VWA3B: variants seen among roughly 807,000 people sequenced by gnomAD.
The protein encoded by VWA3B is von Willebrand factor A domain-containing protein 3B.
Under a neutral mutation model 158.3 loss-of-function variants are expected in VWA3B, and 138 were observed. That is an observed-to-expected ratio of 0.87 (90% CI 0.76 to 1.00). The LOEUF (loss-of-function observed/expected upper bound fraction) is 1.00. VWA3B is among the 50% of genes least tolerant of loss of function. The probability of loss-of-function intolerance (pLI) is 0.00; values close to 1 mark genes in which losing one functional copy is unlikely to be tolerated. For missense variants in VWA3B, 1,555 were observed against 1,565.1 expected, an observed-to-expected ratio of 0.99 and a Z score of 0.11; for synonymous variants, 596 against 587.3, an observed-to-expected ratio of 1.01 and a Z score of -0.21.
chr2:98,319,876 TCACA>T, the VWA3B span, among the ~76,000 whole-genome samples: 9,714 of 147,164 alleles, frequency 0.066, 349 homozygotes, highest in Non-Finnish European at 0.086. Flanking sequence ...TGAGACTCCA[TCACA>T]CACACACACA....
At chr2:98,293,826 G>T (rs933935421) in intron 23 of VWA3B, among the ~76,000 whole-genome samples, 1 of 152,122 alleles carries the variant, frequency 6.6e-6, no homozygotes, top group Non-Finnish European at 1.5e-5. Context: ...TTTTGATTTT[G>T]TTAATTGTCC....
At chr2:98,163,497 C>T (rs1390832481) in intron 8 of VWA3B, among the ~76,000 whole-genome samples, 2 of 152,168 alleles carry the variant, frequency 1.3e-5, no homozygotes, top group African/African-American at 2.4e-5. Context: ...GAGATCGTGC[C>T]ACTGCACTCC....
rs1054910651 is a variant in VWA3B at position 98,270,698 on chromosome 2, C to T, written c.2860C>T (p.Pro954Ser). 1.9e-6 allele frequency: 3 copies of T among 1,613,880 alleles called. No homozygotes were observed. The highest frequency in any genetic ancestry group is 3.3e-5 in the Admixed American group (2 of 59,986). ...GTTTTTTAGGTTAGATGCAAACAAA[C>T]CAATACAGTACTTGGAAAACAAAAC... ...EEKEKLDANKPIQYLENKTVL... is the reference protein window; with the variant it reads ...EEKEKLDANKSIQYLENKTVL... Residue 954 changes from proline (P) to serine (S), a missense_variant, in exon 22 of 28, where the codon CCA (proline) becomes TCA (serine). By Grantham distance (74) the Pro-to-Ser change is moderately conservative. Transcript: ENST00000477737.
intron 2 of VWA3B, among the ~76,000 whole-genome samples, chr2:98,093,729 A>G (rs1682519287): frequency 2.0e-5 from 3 of 152,138 alleles, no homozygotes; most frequent in African/African-American, 7.2e-5. Flanking sequence ...ATACTGTACA[A>G]TAGATCTCTT....
intron 16 of VWA3B, among the ~76,000 whole-genome samples, 180 bp from the exon 17 acceptor site, chr2:98,234,468 A>G (rs1179587954): frequency 1.3e-5 from 2 of 152,198 alleles, no homozygotes; most frequent in East Asian, 3.8e-4. Flanking sequence ...GTCCAGCTGA[A>G]ATTCAGATAA....
chr2:98,163,051 G>A (rs1678762124), intron 8 of VWA3B, 75 bp downstream of exon 8: 29 of 1,582,104 alleles, frequency 1.8e-5, no homozygotes, highest in Non-Finnish European at 2.5e-5. Flanking sequence ...CTGCTTCCAT[G>A]TTCCTGACCA....
intron 22 of VWA3B, among the ~76,000 whole-genome samples, chr2:98,288,475 G>T (rs1689294652): frequency 6.6e-6 from 1 of 152,178 alleles, no homozygotes; most frequent in South Asian, 2.1e-4. Flanking sequence ...TTGCTGTGCT[G>T]CTTTGAGTGT....
At chr2:98,119,013 G>C (rs1345955569) in intron 3 of VWA3B, among the ~76,000 whole-genome samples, 1 of 152,226 alleles carries the variant, frequency 6.6e-6, no homozygotes, top group African/African-American at 2.4e-5. Flanking sequence ...TCACCCGAGA[G>C]AGGAGGGCAT....
the VWA3B span, among the ~76,000 whole-genome samples, chr2:98,324,917 A>AG: frequency 6.6e-6 from 1 of 152,076 alleles, no homozygotes; most frequent in Non-Finnish European, 1.5e-5. Flanking sequence ...GTTAAAAAAA[A>AG]AAAATCCACT....
downstream of VWA3B, among the ~76,000 whole-genome samples, chr2:98,315,432 T>C (rs76817865): frequency 7.2e-3 from 1,088 of 152,078 alleles, 10 homozygotes; most frequent in African/African-American, 0.025. Context: ...AGGGATGGAG[T>C]GATTGAAAAC....
chr2:98,103,834 A>G (rs372780979), intron 2 of VWA3B, among the ~76,000 whole-genome samples: 100 of 152,240 alleles, frequency 6.6e-4, no homozygotes, highest in African/African-American at 2.2e-3. Context: ...TTTTTTGTCT[A>G]CTGGATTTGT....
At position 98,298,068 on chromosome 2, in the gene VWA3B, A is replaced by C. The variant is rs374133527; in HGVS notation, c.3282+37A>C. Reference sequence around the variant, plus strand: ...CTGATGTGTTCTGGGGCCCCTTTTCACCATCCACAGAGTTTTGAATAACAG... The same window carrying C: ...CTGATGTGTTCTGGGGCCCCTTTTCCCCATCCACAGAGTTTTGAATAACAG... On this transcript the variant is annotated intron_variant, in intron 24 of 27. Transcript: ENST00000477737. The C allele has an allele frequency of 2.2e-5, 31 of 1,422,898 alleles. No homozygotes were observed. In the East Asian group the frequency reaches 2.7e-4, roughly 12 times the overall value. 88.1% of individuals were successfully genotyped at this position (1,422,898 alleles called of 1,614,324 possible). A position where few individuals can be genotyped will look rare whatever the true frequency, so the allele number is the denominator to read the frequency against.
intron 9 of VWA3B, among the ~76,000 whole-genome samples, chr2:98,183,189 CTTTT>C (rs1244544813): frequency 2.4e-3 from 293 of 124,590 alleles, no homozygotes; most frequent in African/African-American, 8.7e-3. Flanking sequence ...GTACAGCTCC[CTTTT>C]TTTTTTTTTT....
At chr2:98,121,555 G>A in intron 5 of VWA3B, 97 bp downstream of exon 5, 2 of 1,490,520 alleles carry the variant, frequency 1.3e-6, no homozygotes, top group East Asian at 2.3e-5. Flanking sequence ...AACTGATCTT[G>A]GGCCCCTCCC....
chr2:98,255,180 ATATTTTTTTTTT>A lies in VWA3B; in HGVS notation c.2793-942_2793-931del, dbSNP rs1477190187. Among the ~76,000 whole-genome samples the A allele has an allele frequency of 4.2e-4, 28 of 65,934 alleles. 1 individual carries two copies. Among genetic ancestry groups the A allele is most frequent in the African/African-American group, 7.9e-4 (12 of 15,282 alleles). 43.3% of individuals were successfully genotyped at this position (65,934 alleles called of 152,430 possible). ...AGTCGCCCGCCACCACGCCCGGCTG[ATATTTTTTTTTT>A]TTTTTTTTTTTTTTTTTTTAGTACA... is the stretch of plus-strand genomic sequence containing the variant. On this transcript the variant is annotated intron_variant, in intron 20 of 27. Coordinates refer to ENST00000477737, the MANE Select transcript of VWA3B (RefSeq NM_144992.5).
chr2:98,230,732 T>G (rs1355852120), intron 16 of VWA3B, among the ~76,000 whole-genome samples: 1 of 152,004 alleles, frequency 6.6e-6, no homozygotes, highest in African/African-American at 2.4e-5. Context: ...TATTTCCCCC[T>G]AAAATTGGGG....
At chr2:98,280,138 G>A (rs1471036584) in intron 22 of VWA3B, among the ~76,000 whole-genome samples, 2 of 152,134 alleles carry the variant, frequency 1.3e-5, no homozygotes, top group Non-Finnish European at 2.9e-5. Flanking sequence ...CCAAGCTTTG[G>A]TGATTTCCAG....
chr2:98,300,032 C>A (rs1690075248), intron 24 of VWA3B, 47 bp from the exon 25 acceptor site: 1 of 1,612,328 alleles, frequency 6.2e-7, no homozygotes, highest in Non-Finnish European at 8.5e-7. Context: ...TTAACATTGT[C>A]TGTACAATCC....
intron 22 of VWA3B, among the ~76,000 whole-genome samples, chr2:98,290,113 T>C (rs1296670270): frequency 6.6e-6 from 1 of 152,002 alleles, no homozygotes; most frequent in Non-Finnish European, 1.5e-5. Flanking sequence ...ATGAAGAAAA[T>C]AGGTTTAATT....
Sources: allele counts gnomAD v4.1 joint callset (sites outside exome capture counted in the v4.1 genomes callset), GRCh38; gene constraint gnomAD v4.1.1; transcripts MANE v1.5; gene names NCBI Gene and HGNC (gene_info 2026-07-23, HGNC 2026-07-21).